Variants in PHACTR4 observed in about 807,000 individuals in gnomAD.
The protein encoded by PHACTR4 is protein phosphatase 1, regulatory subunit 124.
In PHACTR4, 51 loss-of-function variants were observed where a neutral mutation model predicts 72.7. That is an observed-to-expected ratio of 0.70 (90% CI 0.56 to 0.89). PHACTR4 has a LOEUF of 0.89. Ranked by LOEUF, PHACTR4 falls within the 40% of genes least tolerant of loss-of-function variation. PHACTR4 has a pLI of 0.00. For synonymous variants in PHACTR4, 255 were observed against 302.5 expected (o/e 0.84, Z 1.63); for missense variants, 731 against 861.8 (o/e 0.85, Z 1.90).
intron 6 of PHACTR4, 146 bp downstream of exon 6, chr1:28,466,914 CT>C: frequency 7.9e-7 from 1 of 1,267,596 alleles, no homozygotes; most frequent in Non-Finnish European, 1.1e-6. Context: ...GGAGAAAAGT[CT>C]TAGGTTAAGA....
chr1:28,454,088 G>A (rs769502204), intron 2 of PHACTR4, among the ~76,000 whole-genome samples: 2 of 151,966 alleles, frequency 1.3e-5, no homozygotes, highest in Admixed American at 6.6e-5. Flanking sequence ...GCCAGGTGTA[G>A]TGGCACACGC....
At chr1:28,380,217 C>T (rs1055955726) in intron 1 of PHACTR4, among the ~76,000 whole-genome samples, 8 of 150,598 alleles carry the variant, frequency 5.3e-5, no homozygotes, top group African/African-American at 9.8e-5. Flanking sequence ...CTACCACGCC[C>T]GGCTAATTTT....
intron 1 of PHACTR4, among the ~76,000 whole-genome samples, chr1:28,373,054 C>T (rs1651363712): frequency 6.6e-6 from 1 of 151,890 alleles, no homozygotes; most frequent in African/African-American, 2.4e-5. Context: ...ACCTCTTGGG[C>T]TCAAATGATC....
chr1:28,395,959 C>T (rs1188977678), intron 1 of PHACTR4, among the ~76,000 whole-genome samples: 8 of 147,432 alleles, frequency 5.4e-5, no homozygotes, highest in African/African-American at 1.5e-4. Flanking sequence ...CCACCACGCC[C>T]GGCCAACTTT....
intron 2 of PHACTR4, among the ~76,000 whole-genome samples, chr1:28,433,446 TTTTTTTTCTTTTTTTC>T (rs939951347): frequency 6.8e-6 from 1 of 147,072 alleles, no homozygotes; most frequent in African/African-American, 2.5e-5. Context: ...TCTTTCTTTC[TTTTTTTTCTTTTTTTC>T]TTTTTTTTTT....
chr1:28,453,727 G>T, intron 2 of PHACTR4: 1 of 1,190,360 alleles, frequency 8.4e-7, no homozygotes, highest in Non-Finnish European at 1.2e-6. Context: ...AGGTTCTTCA[G>T]TTAGATCCTG....
intron 1 of PHACTR4, among the ~76,000 whole-genome samples, chr1:28,381,189 A>G (rs1652136750): frequency 6.8e-6 from 1 of 147,368 alleles, no homozygotes; most frequent in Non-Finnish European, 1.5e-5. Context: ...GTATTTTTGT[A>G]GGGACAGGGT....
chr1:28,413,857 G>C (rs1654931492), intron 2 of PHACTR4, among the ~76,000 whole-genome samples: 1 of 152,176 alleles, frequency 6.6e-6, no homozygotes, highest in South Asian at 2.1e-4. Flanking sequence ...AGCTTTAAAT[G>C]TATAGGCAGG....
At chr1:28,418,510 A>G (rs752738149) in intron 2 of PHACTR4, among the ~76,000 whole-genome samples, 3 of 151,812 alleles carry the variant, frequency 2.0e-5, no homozygotes, top group African/African-American at 7.3e-5. Flanking sequence ...AAACAAACAA[A>G]CAAATACATT....
chr1:28,443,911 A>G (rs1271936845), intron 2 of PHACTR4, among the ~76,000 whole-genome samples: 2 of 152,090 alleles, frequency 1.3e-5, no homozygotes, highest in East Asian at 3.9e-4. Flanking sequence ...TCTTCAGTAT[A>G]ATGATTTCCT....
chr1:28,476,772 C>CCTTTTTTTTTTTTTTTTTTTT (rs1659947436), intron 8 of PHACTR4, among the ~76,000 whole-genome samples: 1 of 98,438 alleles, frequency 1.0e-5, no homozygotes, highest in Non-Finnish European at 2.0e-5. Flanking sequence ...CTAGCCTGTT[C>CCTTTTTTTTTTTTTTTTTTTT]TTTTTTTTTT....
intron 2 of PHACTR4, among the ~76,000 whole-genome samples, chr1:28,449,716 G>A (rs1369538892): frequency 6.6e-6 from 1 of 151,978 alleles, no homozygotes; most frequent in East Asian, 1.9e-4. Context: ...GCCAGGCGTG[G>A]TGGTGGGCAC....
intron 13 of PHACTR4, among the ~76,000 whole-genome samples, chr1:28,493,776 C>G (rs1024156950): frequency 2.0e-5 from 3 of 152,168 alleles, no homozygotes; most frequent in Non-Finnish European, 2.9e-5. Flanking sequence ...GTACCTTACT[C>G]TCTCAGGTTA....
intron 1 of PHACTR4, among the ~76,000 whole-genome samples, chr1:28,393,213 T>A (rs1653195117): frequency 1.3e-5 from 2 of 152,170 alleles, no homozygotes; most frequent in South Asian, 4.1e-4. Context: ...AGATTGGGAA[T>A]TTTACTAACA....
At chr1:28,373,551 A>G (rs1005398691) in intron 1 of PHACTR4, among the ~76,000 whole-genome samples, 1 of 152,158 alleles carries the variant, frequency 6.6e-6, no homozygotes, top group Admixed American at 6.5e-5. Context: ...CAGCCTCCCA[A>G]AGTTCTGGGA....
chr1:28,429,137 G>T lies in PHACTR4; in HGVS notation c.16+21674G>T, dbSNP rs527515564. Among the ~76,000 whole-genome samples the T allele has an allele frequency of 2.0e-5, 3 of 152,280 alleles. No individual in the cohort carries two copies. In the East Asian group the frequency reaches 5.8e-4, roughly 29 times the overall value. On this transcript the variant is annotated intron_variant, in intron 2 of 13. Transcript: ENST00000373839. ...AAACCAGTATTATTTGTGGTAAGTG[G>T]CATGAGTATCTGGTGATTCCAGTGG...
intron 1 of PHACTR4, among the ~76,000 whole-genome samples, chr1:28,389,769 G>A (rs946921755): frequency 2.6e-5 from 4 of 152,128 alleles, no homozygotes; most frequent in African/African-American, 7.2e-5. Flanking sequence ...GAGCCACCGC[G>A]CCTGGCCTGT....
intron 2 of PHACTR4, among the ~76,000 whole-genome samples, chr1:28,409,864 ATTATGCCT>A (rs1654640789): frequency 6.7e-6 from 1 of 148,464 alleles, no homozygotes. Flanking sequence ...AGTTTTTAGG[ATTATGCCT>A]AGTTCATCAA....
chr1:28,371,107 ATTTG>A (rs1047798434), intron 1 of PHACTR4, among the ~76,000 whole-genome samples: 15 of 152,112 alleles, frequency 9.9e-5, no homozygotes, highest in Non-Finnish European at 1.6e-4. Context: ...TTAAGGTAAA[ATTTG>A]TTTGTTTGTT....
Sources: allele counts gnomAD v4.1 joint callset (sites outside exome capture counted in the v4.1 genomes callset), GRCh38; gene constraint gnomAD v4.1.1; transcripts MANE v1.5; gene names NCBI Gene and HGNC (gene_info 2026-07-23, HGNC 2026-07-21).